The following CIDEA variants were observed in gnomAD, a reference collection of about 807,000 sequenced individuals.
The protein encoded by CIDEA is lipid transferase CIDEA.
In CIDEA, 10 loss-of-function variants were observed where a neutral mutation model predicts 18.2. The observed-to-expected ratio is 0.55, with a 90% CI of 0.34 to 0.93. CIDEA has a LOEUF of 0.93. Ranked by LOEUF, CIDEA falls within the 40% of genes least tolerant of loss-of-function variation. CIDEA has a pLI of 0.02. For synonymous variants in CIDEA, 128 were observed against 124.8 expected, an observed-to-expected ratio of 1.03 and a Z score of -0.17; for missense variants, 309 against 293.1, an observed-to-expected ratio of 1.05 and a Z score of -0.40.
chr18:12,266,683 G>T (rs2144073658), intron 3 of CIDEA, among the ~76,000 whole-genome samples: 1 of 152,202 alleles, frequency 6.6e-6, no homozygotes, highest in South Asian at 2.1e-4. Flanking sequence ...TTAGAGACCA[G>T]ACTGAAATCT....
intron 4 of CIDEA, 21 bp from the exon 5 acceptor site, chr18:12,277,102 C>T (rs564707991): frequency 6.8e-6 from 11 of 1,612,776 alleles, no homozygotes; most frequent in Non-Finnish European, 8.5e-6. Context: ...GCTAAAGCCT[C>T]CCCATCTGCC....
intron 3 of CIDEA, among the ~76,000 whole-genome samples, chr18:12,270,243 T>C (rs1193438915): frequency 6.6e-6 from 1 of 152,028 alleles, no homozygotes; most frequent in African/African-American, 2.4e-5. Context: ...GATGGCAGTG[T>C]GTAGGTTTCA....
At chr18:12,264,554 T>C in intron 3 of CIDEA, 101 bp downstream of exon 3, 1 of 926,390 alleles carries the variant, frequency 1.1e-6, no homozygotes, top group Non-Finnish European at 1.6e-6. Context: ...TTCTTTCTTT[T>C]TTTTTTTTTC....
chr18:12,254,625 G>A, intron 1 of CIDEA: 1 of 1,529,230 alleles, frequency 6.5e-7, no homozygotes, highest in Non-Finnish European at 8.8e-7. Flanking sequence ...CGCGGGCAGA[G>A]CCCAATCCCG....
rs1050258770 is a variant in CIDEA at position 12,264,346 on chromosome 18, C to T, written c.223C>T (p.Leu75=). The T allele has an allele frequency of 4.3e-6, 7 of 1,613,990 alleles. No homozygotes were observed. In the African/African-American group the frequency reaches 8.0e-5, roughly 18 times the overall value. The stretch of plus-strand genomic sequence containing the variant: ...CGTCATCGCTACCGGACTGGTCACT[C>T]TGGTGCTGGAGGAAGATGGCACCGT... The part of the protein sequence containing the change: ...ALVIATGLVT[L]VLEEDGTVVD... The change falls in exon 3 of 5, where the codon CTG becomes TTG. Residue 75 remains leucine, a synonymous_variant. Transcript: ENST00000320477.
intron 1 of CIDEA, among the ~76,000 whole-genome samples, chr18:12,261,131 C>T (rs184393712): frequency 6.6e-6 from 1 of 152,292 alleles, no homozygotes; most frequent in Non-Finnish European, 1.5e-5. Context: ...GCCTGAAATC[C>T]TAGCACTTTG....
chr18:12,255,933 T>G (rs922516696), intron 1 of CIDEA, among the ~76,000 whole-genome samples: 6 of 152,220 alleles, frequency 3.9e-5, no homozygotes, highest in Admixed American at 3.9e-4. Context: ...GCTTGGCTCA[T>G]CCCAGGAGTG....
In CIDEA at chr18:12,277,156, G is replaced by C; in HGVS notation, c.546G>C (p.Gln182His). The change falls in exon 5 of 5, where the codon CAG becomes CAC. Residue 182 changes from glutamine (Q) to histidine (H), a missense_variant. Physicochemically the swap from Gln to His is conservative, Grantham distance 24. Transcript: ENST00000320477. ...SLLRFLSYSAQVTGQFLIYLG... is the reference protein window; with the variant it reads ...SLLRFLSYSAHVTGQFLIYLG... ...TGCGGTTCCTGTCCTACTCCGCCCA[G>C]GTGACGGGACAGTTTCTCATCTATC... 6.2e-7 allele frequency: 1 copy of C among 1,614,184 alleles called. No individual in the cohort carries two copies. Among genetic ancestry groups the C allele is most frequent in the East Asian group, 2.2e-5 (1 of 44,880 alleles).
chr18:12,259,850 G>A (rs940982301), intron 1 of CIDEA, among the ~76,000 whole-genome samples: 1 of 152,130 alleles, frequency 6.6e-6, no homozygotes, highest in Non-Finnish European at 1.5e-5. Context: ...AACAGAGCGA[G>A]ACTCTGTCTC....
chr18:12,266,043 C>T (rs1912338669), intron 3 of CIDEA, among the ~76,000 whole-genome samples: 2 of 152,014 alleles, frequency 1.3e-5, no homozygotes, highest in Non-Finnish European at 2.9e-5. Context: ...TAGGCAACAG[C>T]AAAACCCCAA....
chr18:12,277,143 C>T lies in CIDEA; in HGVS notation c.533C>T (p.Ser178Phe), dbSNP rs147827259. 1.2e-4 allele frequency: 196 copies of T among 1,614,070 alleles called. 1 individual carries two copies. Among genetic ancestry groups the T allele is most frequent in the Non-Finnish European group, 1.6e-4 (189 of 1,180,046 alleles). ...GLLRSLLRFL[S>F]YSAQVTGQFL... ...CACAGGAGTCTGCTGCGGTTCCTGT[C>T]CTACTCCGCCCAGGTGACGGGACAG... The change falls in exon 5 of 5, where the codon TCC (serine) becomes TTC (phenylalanine). Residue 178 changes from serine (S) to phenylalanine (F), a missense_variant. Coordinates refer to ENST00000320477, the MANE Select transcript of CIDEA (RefSeq NM_001279.4).
chr18:12,270,910 T>G, intron 3 of CIDEA, among the ~76,000 whole-genome samples: 1 of 141,968 alleles, frequency 7.0e-6, no homozygotes, highest in African/African-American at 2.6e-5. Context: ...TTTTTTTTTT[T>G]TTTTTTTGAG....
intron 3 of CIDEA, among the ~76,000 whole-genome samples, chr18:12,264,754 C>T (rs1912303386): frequency 1.3e-5 from 2 of 152,184 alleles, no homozygotes; most frequent in African/African-American, 2.4e-5. Flanking sequence ...GGGGTTTCAC[C>T]GTGTTAGCCA....
At chr18:12,271,638 T>A (rs1328448557) in intron 3 of CIDEA, among the ~76,000 whole-genome samples, 1 of 152,130 alleles carries the variant, frequency 6.6e-6, no homozygotes, top group Non-Finnish European at 1.5e-5. Context: ...GGAACCTGGT[T>A]GCAGGGCAGG....
chr18:12,256,666 A>G (rs1912044634), intron 1 of CIDEA, among the ~76,000 whole-genome samples: 1 of 152,148 alleles, frequency 6.6e-6, no homozygotes, highest in Admixed American at 6.5e-5. Context: ...TATCTAGCAC[A>G]TTTTTCCTTT....
At chr18:12,271,940 CTG>C (rs1365313913) in intron 3 of CIDEA, among the ~76,000 whole-genome samples, 5 of 152,132 alleles carry the variant, frequency 3.3e-5, no homozygotes, top group African/African-American at 1.2e-4. Flanking sequence ...TTAACCAAGA[CTG>C]GAGACATTTA....
intron 4 of CIDEA, 112 bp from the exon 5 acceptor site, chr18:12,277,011 C>A: frequency 1.7e-6 from 2 of 1,184,450 alleles, no homozygotes; most frequent in Non-Finnish European, 2.5e-6. Context: ...TAAATGTCAG[C>A]CTGGCCTCCT....
intron 4 of CIDEA, among the ~76,000 whole-genome samples, chr18:12,276,559 C>T (rs1445351389): frequency 6.6e-6 from 1 of 152,190 alleles, no homozygotes; most frequent in Non-Finnish European, 1.5e-5. Context: ...TCACGACAGC[C>T]CCCACACTGG....
At chr18:12,270,894 C>CTTTTTTTTTTTTTTTTTTTTTTTTTGT (rs771335202) in intron 3 of CIDEA, among the ~76,000 whole-genome samples, 1 of 60,000 alleles carries the variant, frequency 1.7e-5, no homozygotes, top group Non-Finnish European at 2.9e-5. Flanking sequence ...TTTTTCTTTT[C>CTTTTTTTTTTTTTTTTTTTTTTTTTGT]TTTTTTTTTT....
Sources: allele counts gnomAD v4.1 joint callset (sites outside exome capture counted in the v4.1 genomes callset), GRCh38; gene constraint gnomAD v4.1.1; transcripts MANE v1.5; gene names NCBI Gene and HGNC (gene_info 2026-07-23, HGNC 2026-07-21).